The following ACO2 variants were observed in gnomAD, a reference collection of about 807,000 sequenced individuals.
ACO2 encodes aconitase 2.
A neutral mutation model predicts 84.5 loss-of-function variants in ACO2; 31 were observed. The observed-to-expected ratio is 0.37, with a 90% CI of 0.28 to 0.50. The LOEUF is 0.50. Ranked by LOEUF, ACO2 falls within the 20% of genes least tolerant of loss-of-function variation. The pLI, the probability that ACO2 is intolerant of heterozygous loss-of-function variation, is 0.97. For synonymous variants in ACO2, 414 were observed against 412.7 expected (o/e 1.00, Z -0.04); for missense variants, 685 against 1,029.3 (o/e 0.67, Z 4.58).
Position 41,528,577 on chromosome 22 carries a change from C to T in ACO2, c.2307C>T (p.Gly769=), listed in dbSNP as rs779213719. Residue 769 remains glycine (G), a synonymous_variant, in exon 18 of 18, where the codon GGC becomes GGT. Transcript: ENST00000216254. ...CGCAGATTGAGTGGTTCCGCGCTGG[C>T]AGTGCCCTCAACAGAATGAAGGAAC... is the stretch of plus-strand genomic sequence containing the variant. The part of the protein sequence containing the change: ...NETQIEWFRA[G]SALNRMKELQ... The T allele has an allele frequency of 3.1e-6, 5 of 1,612,742 alleles. No homozygotes were observed. The highest frequency in any genetic ancestry group is 3.4e-6 in the Non-Finnish European group (4 of 1,180,022).
At chr22:41,509,900 A>G (rs777059779) in intron 3 of ACO2, among the ~76,000 whole-genome samples, 1 of 148,296 alleles carries the variant, frequency 6.7e-6, no homozygotes, top group Admixed American at 7.0e-5. Context: ...GCTCACTGCA[A>G]TCTCGGCTCA....
intron 1 of ACO2, among the ~76,000 whole-genome samples, chr22:41,478,660 T>C (rs1474566564): frequency 6.6e-6 from 1 of 152,008 alleles, no homozygotes; most frequent in Non-Finnish European, 1.5e-5. Flanking sequence ...GAGATTGAGA[T>C]GGTTTCTGAT....
intron 1 of ACO2, among the ~76,000 whole-genome samples, chr22:41,485,802 G>A (rs2038147815): frequency 1.3e-5 from 2 of 152,016 alleles, no homozygotes; most frequent in South Asian, 2.1e-4. Context: ...GGTCAGGCTG[G>A]TCTCAAACTC....
Position 41,528,750 on chromosome 22 carries a change from A to G in ACO2, c.*137A>G, listed in dbSNP as rs2066659247. The G allele has an allele frequency of 1.0e-5, 13 of 1,271,152 alleles. No homozygotes were observed. In the East Asian group the frequency reaches 2.9e-4, roughly 28 times the overall value. 78.7% of individuals were successfully genotyped at this position (1,271,152 alleles called of 1,614,324 possible). A position where few individuals can be genotyped will look rare whatever the true frequency, so the allele number is the denominator to read the frequency against. On this transcript the variant is annotated 3_prime_UTR_variant, in exon 18 of 18. Coordinates refer to ENST00000216254, the MANE Select transcript of ACO2 (RefSeq NM_001098.3). ...ATGCTTCCTGCTCCCCGCTTAGCCC[A>G]CGGAGTGACTGTGGTTGTGGTGGGG...
intron 1 of ACO2, among the ~76,000 whole-genome samples, chr22:41,479,075 C>T (rs1442321983): frequency 6.6e-6 from 1 of 152,180 alleles, no homozygotes; most frequent in African/African-American, 2.4e-5. Flanking sequence ...AGGGCCCTGT[C>T]TGTGGAAGAG....
rs567544222 is a variant in ACO2, at chr22:41,480,928, A to G, written c.36+11746A>G. ...ACTCCTGGGCTCAAGCAATTCTCCCACCTCAGTCTCCTGAGTAGCTCAGAC... is the reference window on the plus strand; with the variant it reads ...ACTCCTGGGCTCAAGCAATTCTCCCGCCTCAGTCTCCTGAGTAGCTCAGAC... On this transcript the variant is annotated intron_variant, in intron 1 of 17. Transcript: ENST00000216254. Among the ~76,000 whole-genome samples, 5 of 152,144 alleles carry G rather than the reference A, an allele frequency of 3.3e-5. No individual in the cohort carries two copies. In the South Asian group the frequency reaches 8.3e-4, roughly 25 times the overall value.
intron 9 of ACO2, 54 bp from the exon 10 acceptor site, chr22:41,522,776 C>A: frequency 6.3e-7 from 1 of 1,592,172 alleles, no homozygotes; most frequent in Non-Finnish European, 8.6e-7. Context: ...CAGGTGGAGA[C>A]CTCTGCTCAC....
At chr22:41,525,413 G>C in intron 14 of ACO2, 65 bp downstream of exon 14, 1 of 1,588,580 alleles carries the variant, frequency 6.3e-7, no homozygotes, top group Non-Finnish European at 8.6e-7. Context: ...CTGAGCATCG[G>C]GAAGGGCCAT....
intron 1 of ACO2, among the ~76,000 whole-genome samples, chr22:41,480,766 T>A (rs1004300066): frequency 6.6e-6 from 1 of 152,224 alleles, no homozygotes; most frequent in African/African-American, 2.4e-5. Flanking sequence ...AGACTTTTCC[T>A]CTGTATTTAC....
At chr22:41,520,380 G>A in intron 9 of ACO2, 104 bp downstream of exon 9, 2 of 868,974 alleles carry the variant, frequency 2.3e-6, no homozygotes, top group Non-Finnish European at 3.5e-6. Context: ...TTTCTAAGGT[G>A]GGCAGTTTCT....
rs1220928082 is a variant in ACO2 at position 41,519,633 on chromosome 22, G to A, written c.1033-538G>A. 4.0e-5 allele frequency among the ~76,000 whole-genome samples: 6 copies of A among 151,778 alleles called. 1 individual carries two copies. The East Asian group carries it at 5.8e-4, about 15-fold the overall frequency. On this transcript the variant is annotated intron_variant, in intron 8 of 17. Coordinates refer to ENST00000216254, the MANE Select transcript of ACO2 (RefSeq NM_001098.3). ...ATCCTGGCTAATGTGATGAAACCCC[G>A]TCTCTACTAAAAAAATACAAAAAAA...
chr22:41,489,002 G>A (rs2066253066), intron 1 of ACO2, among the ~76,000 whole-genome samples: 1 of 152,070 alleles, frequency 6.6e-6, no homozygotes, highest in African/African-American at 2.4e-5. Context: ...AAACCTTCCA[G>A]GTGATTTTGA....
chr22:41,495,998 G>T (rs1019988269), intron 1 of ACO2, among the ~76,000 whole-genome samples: 49 of 151,926 alleles, frequency 3.2e-4, no homozygotes, highest in African/African-American at 1.2e-3. Flanking sequence ...AGCTGTCTGA[G>T]ATTTGTTAGT....
chr22:41,474,485 C>T (rs558100882), intron 1 of ACO2, among the ~76,000 whole-genome samples: 5 of 147,568 alleles, frequency 3.4e-5, no homozygotes, highest in East Asian at 2.0e-4. Context: ...TTAGTAGAGA[C>T]GGGTTTCACG....
At chr22:41,527,123 C>T in intron 15 of ACO2, 165 bp from the exon 16 acceptor site, 1 of 1,013,126 alleles carries the variant, frequency 9.9e-7, no homozygotes, top group Non-Finnish European at 1.4e-6. Context: ...TTCACGCAGG[C>T]TTCACTTGCC....
chr22:41,504,092 T>C (rs2066374207), intron 2 of ACO2, among the ~76,000 whole-genome samples: 1 of 152,158 alleles, frequency 6.6e-6, no homozygotes, highest in South Asian at 2.1e-4. Flanking sequence ...GGCGAGCGCC[T>C]GTAATCCCGG....
At chr22:41,520,683 A>T (rs988553841) in intron 9 of ACO2, among the ~76,000 whole-genome samples, 2 of 152,048 alleles carry the variant, frequency 1.3e-5, no homozygotes, top group Non-Finnish European at 2.9e-5. Flanking sequence ...TCTACTAAAA[A>T]TACAAAAAAT....
Position 41,523,816 on chromosome 22 carries a change from C to T in ACO2, c.1371-14C>T. ...GGCCAGATATCCCTAACCCTGATCC[C>T]TCTGACCTGGCAGGAAGGACATCAA... On this transcript the variant is annotated splice_polypyrimidine_tract_variant and intron_variant, in intron 11 of 17. Transcript: ENST00000216254. The T allele has an allele frequency of 6.2e-7, 1 of 1,608,620 alleles. No homozygotes were observed. The highest frequency in any genetic ancestry group is 2.2e-5 in the East Asian group (1 of 44,854).
At chr22:41,514,399 C>G (rs1251243763) in intron 4 of ACO2, among the ~76,000 whole-genome samples, 1 of 152,240 alleles carries the variant, frequency 6.6e-6, no homozygotes, top group Admixed American at 6.5e-5. Flanking sequence ...GGATCTCATC[C>G]AGTCATCAGT....
Sources: allele counts gnomAD v4.1 joint callset (sites outside exome capture counted in the v4.1 genomes callset), GRCh38; gene constraint gnomAD v4.1.1; transcripts MANE v1.5; gene names NCBI Gene and HGNC (gene_info 2026-07-23, HGNC 2026-07-21).